The following CNPY4 variants were observed in gnomAD, a reference collection of about 807,000 sequenced individuals.
CNPY4 encodes the protein canopy FGF signaling regulator 4.
A neutral mutation model predicts 30.1 loss-of-function variants in CNPY4; 33 were observed. The ratio of observed to expected loss-of-function variants is 1.10; its 90% confidence interval spans 0.83 to 1.46. CNPY4 has a LOEUF of 1.46. Among genes scored for constraint, CNPY4 ranks in the 40% most tolerant of loss-of-function variants. CNPY4 has a pLI of 0.00. For missense variants in CNPY4, 324 were observed against 302.6 expected (o/e 1.07, Z -0.52); for synonymous variants, 109 against 110.1 (o/e 0.99, Z 0.06).
At chr7:100,121,110 ATATATATTTTTTTTTTTTTTTTT>A (rs1798038755) in intron 1 of CNPY4, 2 of 28,376 alleles carry the variant, frequency 7.0e-5, no homozygotes, top group Non-Finnish European at 6.9e-5. Context: ...ATATATATAT[ATATATATTTTTTTTTTTTTTTTT>A]TTTTTTTTTT....
chr7:100,122,689 T>C lies in CNPY4; in HGVS notation c.343-95T>C. On this transcript the variant is annotated intron_variant, in intron 3 of 5. Coordinates refer to ENST00000262932, the MANE Select transcript of CNPY4 (RefSeq NM_152755.2). ...ATCTCACCATCATGGAACTCACCCT[T>C]GAATCTCCAGTAGTTGACAAAACTG... 2.0e-6 allele frequency: 3 copies of C among 1,535,956 alleles called. No homozygotes were observed. In the East Asian group the frequency reaches 6.8e-5, roughly 35 times the overall value.
At chr7:100,124,036 C>T (rs1353343019) in intron 4 of CNPY4, among the ~76,000 whole-genome samples, 1 of 151,814 alleles carries the variant, frequency 6.6e-6, no homozygotes, top group Non-Finnish European at 1.5e-5. Context: ...ACTCAGGAAG[C>T]TGAGGCAGGA....
chr7:100,122,974 G>A, intron 4 of CNPY4, 68 bp downstream of exon 4: 1 of 1,527,126 alleles, frequency 6.5e-7, no homozygotes, highest in Non-Finnish European at 8.9e-7. Context: ...AGGTTCTAGG[G>A]TTTGACTATA....
chr7:100,120,504 C>T (rs988792285), intron 1 of CNPY4: 7 of 152,292 alleles, frequency 4.6e-5, no homozygotes, highest in African/African-American at 1.7e-4. Flanking sequence ...GTTTGCTGCC[C>T]TCCTGACTTT....
At chr7:100,123,380 C>CATTA (rs1270118942) in intron 4 of CNPY4, among the ~76,000 whole-genome samples, 1 of 151,726 alleles carries the variant, frequency 6.6e-6, no homozygotes, top group African/African-American at 2.4e-5. Context: ...AAAAAGAAAT[C>CATTA]ATAATGAGCC....
chr7:100,119,821 A>C lies in CNPY4; in HGVS notation c.77A>C (p.Glu26Ala). Reference sequence around the variant, plus strand: ...GAGGCTTGGGCTGGGATGTTGAAGGAGGAGGACGATGACACAGAACGCTTG... The same window carrying C: ...GAGGCTTGGGCTGGGATGTTGAAGGCGGAGGACGATGACACAGAACGCTTG... Reference protein sequence around the residue: ...VHEAWAGMLKEEDDDTERLPS... With the variant: ...VHEAWAGMLKAEDDDTERLPS... The change falls in exon 1 of 6, where the codon GAG becomes GCG. Residue 26 changes from glutamate to alanine, a missense_variant. Coordinates refer to ENST00000262932, the MANE Select transcript of CNPY4 (RefSeq NM_152755.2). 1 of 1,614,046 alleles carries C rather than the reference A, an allele frequency of 6.2e-7. No homozygotes were observed. The highest frequency in any genetic ancestry group is 1.1e-5 in the South Asian group (1 of 91,082).
chr7:100,121,494 C>T (rs1452219514), intron 1 of CNPY4: 1 of 151,318 alleles, frequency 6.6e-6, no homozygotes, highest in Non-Finnish European at 1.5e-5. Flanking sequence ...GTTGCCTGGG[C>T]TGGGGTGCAG....
intron 1 of CNPY4, chr7:100,120,180 A>G (rs549095204): frequency 1.7e-5 from 4 of 229,146 alleles, no homozygotes; most frequent in East Asian, 1.2e-4. Flanking sequence ...TGTTTACCTC[A>G]TGTCACCAGA....
In CNPY4 at chr7:100,125,137, A is replaced by G. The variant is rs1485260278; in HGVS notation, c.*249A>G. 2.1e-6 allele frequency: 1 copy of G among 469,370 alleles called. No individual in the cohort carries two copies. Among genetic ancestry groups the G allele is most frequent in the Non-Finnish European group, 3.8e-6 (1 of 266,116 alleles). The allele number at this position is 469,370 out of a possible 1,614,324, so 29.1% of individuals were successfully genotyped here. A position where few individuals can be genotyped will look rare whatever the true frequency, so the allele number is the denominator to read the frequency against. On this transcript the variant is annotated 3_prime_UTR_variant, in exon 6 of 6. Coordinates refer to ENST00000262932, the MANE Select transcript of CNPY4 (RefSeq NM_152755.2). ...ATCCAGCCCCTTAATTGGCAGGTGT[A>G]TGTGCTGACAGTACTGAAAGCTTTC...
In CNPY4 at chr7:100,120,027, G is replaced by T. The variant is rs377215761; in HGVS notation, c.118+165G>T. 2.5e-4 allele frequency: 144 copies of T among 568,524 alleles called. No individual in the cohort carries two copies. The African/African-American group carries it at 2.6e-3, about 10-fold the overall frequency. The allele number at this position is 568,524 out of a possible 1,614,324, so 35.2% of individuals were successfully genotyped here. A position where few individuals can be genotyped will look rare whatever the true frequency, so the allele number is the denominator to read the frequency against. On this transcript the variant is annotated intron_variant, in intron 1 of 5. Coordinates refer to ENST00000262932, the MANE Select transcript of CNPY4 (RefSeq NM_152755.2). ...TGGATGGGGTCAAGGAAGCGAACGT[G>T]TAGTGCCACCTCAAACTGCATCCAG...
In CNPY4 at chr7:100,125,024, A is replaced by C; in HGVS notation, c.*136A>C. 9.8e-7 allele frequency: 1 copy of C among 1,018,820 alleles called. No individual in the cohort carries two copies. Among genetic ancestry groups the C allele is most frequent in the Non-Finnish European group, 1.4e-6 (1 of 702,000 alleles). 63.1% of individuals were successfully genotyped at this position (1,018,820 alleles called of 1,614,324 possible). A position where few individuals can be genotyped will look rare whatever the true frequency, so the allele number is the denominator to read the frequency against. On this transcript the variant is annotated 3_prime_UTR_variant, in exon 6 of 6. Transcript: ENST00000262932. Reference sequence around the variant, plus strand: ...GCTTGTAGCTGTTCTCTCCCATCTAACCTCAGGCAAGATCCTGGTGAAACA... The same window carrying C: ...GCTTGTAGCTGTTCTCTCCCATCTACCCTCAGGCAAGATCCTGGTGAAACA...
chr7:100,119,890 C>A (rs766831275), intron 1 of CNPY4, 28 bp downstream of exon 1: 1 of 1,565,764 alleles, frequency 6.4e-7, no homozygotes. Context: ...CCCCTATAGG[C>A]ATCGCCCGGC....
At chr7:100,121,573 G>A (rs537535338) in intron 1 of CNPY4, among the ~76,000 whole-genome samples, 3 of 151,858 alleles carry the variant, frequency 2.0e-5, no homozygotes, top group Admixed American at 6.6e-5. Context: ...TCAGCTTCCC[G>A]AGTAGCTATT....
At chr7:100,122,420 C>T in intron 2 of CNPY4, 35 bp downstream of exon 2, 1 of 1,614,128 alleles carries the variant, frequency 6.2e-7, no homozygotes, top group Non-Finnish European at 8.5e-7. Context: ...TTCCAACCCC[C>T]AACGGAGCCC....
rs181714133 is a variant in CNPY4, at chr7:100,121,981, C to T, written c.119-278C>T. The stretch of plus-strand genomic sequence containing the variant: ...AGGAGAATGGCGTGAACCCAGGAGG[C>T]GGAGCTGGCAGTGAGCCGAGACTGC... On this transcript the variant is annotated intron_variant, in intron 1 of 5. Transcript: ENST00000262932. 1.3e-3 allele frequency: 402 copies of T among 315,058 alleles called. 2 individuals carry two copies. Among genetic ancestry groups the T allele is most frequent in the Middle Eastern group, 7.5e-3 (7 of 934 alleles). The allele number at this position is 315,058 out of a possible 1,614,324, so 19.5% of individuals were successfully genotyped here.
At chr7:100,121,116 A>ATATATTTTTTTTTTTTTTTT in intron 1 of CNPY4, 1 of 52,778 alleles carries the variant, frequency 1.9e-5, no homozygotes, top group Middle Eastern at 0.014. Context: ...ATATATATAT[A>ATATATTTTTTTTTTTTTTTT]TTTTTTTTTT....
chr7:100,119,762 G>C lies in CNPY4; in HGVS notation c.18G>C (p.Leu6Phe), dbSNP rs370762309. Reference sequence around the variant, plus strand: ...GCTTTGTCATGGGACCTGTGCGGTTGGGAATATTGCTTTTCCTTTTTTTGG... The same window carrying C: ...GCTTTGTCATGGGACCTGTGCGGTTCGGAATATTGCTTTTCCTTTTTTTGG... MGPVR[L>F]GILLFLFLAV... Residue 6 changes from leucine to phenylalanine, a missense_variant, in exon 1 of 6, where the codon TTG becomes TTC. Leu to Phe is a conservative substitution (Grantham distance 22, BLOSUM62 0). Transcript: ENST00000262932. 1 of 1,614,178 alleles carries C rather than the reference G, an allele frequency of 6.2e-7. No individual in the cohort carries two copies. The highest frequency in any genetic ancestry group is 1.7e-5 in the Admixed American group (1 of 60,000).
chr7:100,122,195 T>G, intron 1 of CNPY4, 64 bp from the exon 2 acceptor site: 1 of 1,600,774 alleles, frequency 6.2e-7, no homozygotes, highest in African/African-American at 1.3e-5. Context: ...TCAGGTCATC[T>G]GCAGAATGAA....
intron 4 of CNPY4, 131 bp downstream of exon 4, chr7:100,123,037 T>C (rs1798115365): frequency 1.9e-6 from 2 of 1,030,846 alleles, no homozygotes; most frequent in Non-Finnish European, 2.7e-6. Flanking sequence ...GACTGTGCCA[T>C]TGATTAAAGT....
Sources: allele counts gnomAD v4.1 joint callset (sites outside exome capture counted in the v4.1 genomes callset), GRCh38; gene constraint gnomAD v4.1.1; transcripts MANE v1.5; gene names NCBI Gene and HGNC (gene_info 2026-07-23, HGNC 2026-07-21).